Variants in CHTOP observed in about 807,000 individuals in gnomAD.
The protein encoded by CHTOP is chromatin target of PRMT1, also known as chromatin target of PRMT1 protein.
In CHTOP, 18 loss-of-function variants were observed where a neutral mutation model predicts 33.6. The observed-to-expected ratio is 0.54, with a 90% CI of 0.37 to 0.80. The LOEUF (loss-of-function observed/expected upper bound fraction) is 0.80. Among genes scored for constraint, CHTOP ranks in the 30% least tolerant of loss-of-function variants. The pLI, the probability that CHTOP is intolerant of heterozygous loss-of-function variation, is 0.00. For missense variants in CHTOP, 263 were observed against 336.8 expected (o/e 0.78, Z 1.71); for synonymous variants, 117 against 127.7 (o/e 0.92, Z 0.56).
intron 5 of CHTOP, 38 bp from the exon 6 acceptor site, chr1:153,645,026 A>T: frequency 6.4e-7 from 1 of 1,556,390 alleles, no homozygotes; most frequent in Non-Finnish European, 8.8e-7. Flanking sequence ...ACTTACTTGT[A>T]ACTGTCTCTT....
rs540616131 is a variant in CHTOP, at chr1:153,639,369, A to C, written c.219+921A>C. 74 of 959,438 alleles carry C rather than the reference A, an allele frequency of 7.7e-5. No individual in the cohort carries two copies. The African/African-American group carries it at 1.1e-3, about 15-fold the overall frequency. 59.4% of individuals were successfully genotyped at this position (959,438 alleles called of 1,614,324 possible). On this transcript the variant is annotated intron_variant, in intron 3 of 5. Transcript: ENST00000368694. Reference sequence around the variant, plus strand: ...AAACCTGCTCTTTATTATTCATAGAATTTATATGCAAGTCCGGACAGTGGC... The same window carrying C: ...AAACCTGCTCTTTATTATTCATAGACTTTATATGCAAGTCCGGACAGTGGC...
intron 4 of CHTOP, 29 bp from the exon 5 acceptor site, chr1:153,643,198 G>A (rs1353796322): frequency 5.0e-6 from 8 of 1,613,552 alleles, no homozygotes; most frequent in East Asian, 2.2e-5. Context: ...GGATTTACCT[G>A]CATATACATT....
chr1:153,644,429 A>G (rs921498120), intron 5 of CHTOP: 1 of 152,272 alleles, frequency 6.6e-6, no homozygotes, highest in African/African-American at 2.4e-5. Flanking sequence ...GATAACCACA[A>G]TTGTCAGTTG....
chr1:153,641,332 C>A (rs562456231), intron 3 of CHTOP, among the ~76,000 whole-genome samples: 4 of 152,192 alleles, frequency 2.6e-5, no homozygotes, highest in African/African-American at 9.6e-5. Context: ...GTGTTCAGGG[C>A]TATTGCTGTC....
At chr1:153,640,519 C>T (rs1487640837) in intron 3 of CHTOP, among the ~76,000 whole-genome samples, 1 of 152,006 alleles carries the variant, frequency 6.6e-6, no homozygotes, top group Non-Finnish European at 1.5e-5. Context: ...GTGGCTCACA[C>T]TTGTAATCCC....
intron 3 of CHTOP, 22 bp downstream of exon 3, chr1:153,638,470 C>G: frequency 1.2e-6 from 2 of 1,613,908 alleles, no homozygotes; most frequent in Non-Finnish European, 1.7e-6. Flanking sequence ...GGTCTTAATG[C>G]TCCAGAAGCA....
At chr1:153,639,992 T>G (rs1668562178) in intron 3 of CHTOP, among the ~76,000 whole-genome samples, 1 of 152,032 alleles carries the variant, frequency 6.6e-6, no homozygotes, top group Non-Finnish European at 1.5e-5. Context: ...CAGACTGGTC[T>G]TGAACTCCTG....
At chr1:153,636,146 C>A (rs1668389102) in intron 1 of CHTOP, among the ~76,000 whole-genome samples, 1 of 148,470 alleles carries the variant, frequency 6.7e-6, no homozygotes, top group Non-Finnish European at 1.5e-5. Context: ...CCAGGCTGGT[C>A]TCTAACTCCT....
chr1:153,636,695 C>G (rs756373991), intron 2 of CHTOP, 42 bp downstream of exon 2: 8 of 1,573,856 alleles, frequency 5.1e-6, no homozygotes, highest in African/African-American at 2.7e-5. Flanking sequence ...CCTAAGAAAA[C>G]ATTACTTAAC....
At chr1:153,639,241 A>G (rs920557686) in intron 3 of CHTOP, 2 of 158,910 alleles carry the variant, frequency 1.3e-5, no homozygotes, top group Non-Finnish European at 2.7e-5. Flanking sequence ...CACAGCACCT[A>G]AAGTTTTACC....
chr1:153,640,311 C>CT (rs1279885902), intron 3 of CHTOP, among the ~76,000 whole-genome samples: 1 of 144,466 alleles, frequency 6.9e-6, no homozygotes, highest in Non-Finnish European at 1.5e-5. Context: ...CCCATCTCTA[C>CT]TAAAAAAAAA....
intron 1 of CHTOP, 88 bp from the exon 2 acceptor site, chr1:153,636,483 CT>C: frequency 9.7e-7 from 1 of 1,033,772 alleles, no homozygotes; most frequent in Non-Finnish European, 1.5e-6. Flanking sequence ...GTGATAAGGC[CT>C]TTTTATTTAT....
At position 153,643,678 on chromosome 1, in the gene CHTOP, C is replaced by G. The variant is rs1358499862; in HGVS notation, c.541+314C>G. 2.1e-5 allele frequency: 4 copies of G among 189,646 alleles called. No individual in the cohort carries two copies. The Admixed American group carries it at 2.2e-4, about 10-fold the overall frequency. 11.7% of individuals were successfully genotyped at this position (189,646 alleles called of 1,614,324 possible). On this transcript the variant is annotated intron_variant, in intron 5 of 5. Coordinates refer to ENST00000368694, the MANE Select transcript of CHTOP (RefSeq NM_015607.4). ...GTTTAGGGTTTTGCCTTTCTCTGCC[C>G]CTGTCCCACCACCATCACCACCACA...
intron 1 of CHTOP, 122 bp from the exon 2 acceptor site, chr1:153,636,450 C>G: frequency 1.1e-5 from 7 of 629,026 alleles, no homozygotes; most frequent in Non-Finnish European, 1.9e-5. Context: ...TGAAATGTGC[C>G]CTCGTGTGCT....
chr1:153,639,020 A>G (rs1176317552), intron 3 of CHTOP, among the ~76,000 whole-genome samples: 4 of 152,026 alleles, frequency 2.6e-5, no homozygotes, highest in African/African-American at 7.2e-5. Context: ...AGCTGGGACT[A>G]AAGGTGCCCG....
At chr1:153,638,015 C>T (rs541014368) in intron 2 of CHTOP, 5 of 390,318 alleles carry the variant, frequency 1.3e-5, no homozygotes, top group South Asian at 5.5e-5. Context: ...CTGCTTATTG[C>T]GTGTTTTTCA....
chr1:153,637,212 A>T (rs987918181), intron 2 of CHTOP: 1 of 152,380 alleles, frequency 6.6e-6, no homozygotes, highest in Admixed American at 6.5e-5. Context: ...GACAGAAATA[A>T]TGAGTCTCTT....
At chr1:153,635,131 T>G (rs965081633) in intron 1 of CHTOP, among the ~76,000 whole-genome samples, 1 of 152,056 alleles carries the variant, frequency 6.6e-6, no homozygotes, top group African/African-American at 2.4e-5. Context: ...AAAACAGGCG[T>G]GAGCCACCGC....
At chr1:153,635,802 A>G (rs892099530) in intron 1 of CHTOP, among the ~76,000 whole-genome samples, 6 of 151,600 alleles carry the variant, frequency 4.0e-5, no homozygotes, top group Admixed American at 3.9e-4. Context: ...AGCCTGGGCG[A>G]CAGAGCCAGA....
Sources: allele counts gnomAD v4.1 joint callset (sites outside exome capture counted in the v4.1 genomes callset), GRCh38; gene constraint gnomAD v4.1.1; transcripts MANE v1.5; gene names NCBI Gene and HGNC (gene_info 2026-07-23, HGNC 2026-07-21).